The following SHQ1 variants were observed in gnomAD, a reference collection of about 807,000 sequenced individuals.
SHQ1 encodes the protein SHQ1, H/ACA ribonucleoprotein assembly factor.
SHQ1 carries 49 observed loss-of-function variants against 53.8 expected under a neutral mutation model. That is an observed-to-expected ratio of 0.91 (90% CI 0.72 to 1.16). The LOEUF (loss-of-function observed/expected upper bound fraction) is 1.16, where lower values mean the gene tolerates loss of function less well. Among genes scored for constraint, SHQ1 ranks in the 50% most tolerant of loss-of-function variants. The probability of loss-of-function intolerance (pLI) is 0.00; values close to 1 mark genes in which losing one functional copy is unlikely to be tolerated. For synonymous variants in SHQ1, 243 were observed against 251.0 expected (o/e 0.97, Z 0.30); for missense variants, 738 against 683.1 (o/e 1.08, Z -0.90).
chr3:72,815,931 AT>A (rs941858760), intron 7 of SHQ1, among the ~76,000 whole-genome samples: 1 of 152,166 alleles, frequency 6.6e-6, no homozygotes, highest in African/African-American at 2.4e-5. Flanking sequence ...AAAATGGTAA[AT>A]TTTTTCAAAT....
intron 3 of SHQ1, among the ~76,000 whole-genome samples, chr3:72,841,935 G>A (rs115331053): frequency 4.9e-4 from 74 of 152,264 alleles, no homozygotes; most frequent in African/African-American, 1.6e-3. Flanking sequence ...GGTTCCTAAC[G>A]GGCCATGGAT....
At chr3:72,735,111 TA>T in the SHQ1 span, among the ~76,000 whole-genome samples, 3 of 151,822 alleles carry the variant, frequency 2.0e-5, no homozygotes, top group African/African-American at 7.3e-5. Flanking sequence ...GTTTTTCTTA[TA>T]CACTAAAAGT....
rs547355336 is a variant in SHQ1 at position 72,840,448 on chromosome 3, C to A, written c.486+597G>T. ...GTAGGCACCTGTAATCCCAGCTACT[C>A]AGGAGGCTGAGGCAGAAGAATTGCT... On this transcript the variant is annotated intron_variant, in intron 4 of 10. Coordinates refer to ENST00000325599, the MANE Select transcript of SHQ1 (RefSeq NM_018130.3). Among the ~76,000 whole-genome samples the A allele has an allele frequency of 7.3e-5, 11 of 150,884 alleles. No individual in the cohort carries two copies. In the South Asian group the frequency reaches 1.7e-3, roughly 23 times the overall value.
chr3:72,753,685 C>T, intron 10 of SHQ1: 1 of 963,730 alleles, frequency 1.0e-6, no homozygotes, highest in African/African-American at 1.8e-5. Flanking sequence ...AAGAGGAAAA[C>T]CAAGGTGAGA....
chr3:72,823,009 C>T (rs1319447696), intron 6 of SHQ1, among the ~76,000 whole-genome samples: 1 of 151,944 alleles, frequency 6.6e-6, no homozygotes, highest in Non-Finnish European at 1.5e-5. Context: ...ATTAGCCAGG[C>T]GCGGTGGCCG....
chr3:72,772,501 C>A, intron 10 of SHQ1: 1 of 569,548 alleles, frequency 1.8e-6, no homozygotes, highest in Non-Finnish European at 3.3e-6. Flanking sequence ...GCATCTGGAC[C>A]CTCAGACAGT....
the SHQ1 span, among the ~76,000 whole-genome samples, chr3:72,729,277 G>A: frequency 3.3e-5 from 5 of 152,278 alleles, no homozygotes; most frequent in African/African-American, 9.6e-5. Flanking sequence ...TGATTTCAAC[G>A]TGAGTCACAG....
At chr3:72,773,774 A>G (rs1210076985) in intron 10 of SHQ1, among the ~76,000 whole-genome samples, 2 of 152,238 alleles carry the variant, frequency 1.3e-5, no homozygotes, top group African/African-American at 4.8e-5. Context: ...AAAGACAGAA[A>G]CACATGACTT....
chr3:72,834,461 T>C (rs916099236), intron 4 of SHQ1, among the ~76,000 whole-genome samples: 1 of 152,016 alleles, frequency 6.6e-6, no homozygotes, highest in African/African-American at 2.4e-5. Context: ...ACCCAGAAGG[T>C]GGAGGTTGCA....
At chr3:72,728,260 A>C in the SHQ1 span, among the ~76,000 whole-genome samples, 5 of 152,188 alleles carry the variant, frequency 3.3e-5, no homozygotes, top group African/African-American at 4.8e-5. Flanking sequence ...TATTAAGAGG[A>C]ACCCCTCTGG....
chr3:72,836,944 A>C (rs760655476), intron 4 of SHQ1, among the ~76,000 whole-genome samples: 9 of 152,222 alleles, frequency 5.9e-5, no homozygotes, highest in Non-Finnish European at 1.2e-4. Flanking sequence ...AAAATAAAGA[A>C]CAATGAACAC....
chr3:72,846,449 T>C (rs1443352295), intron 1 of SHQ1: 7 of 703,256 alleles, frequency 1.0e-5, no homozygotes, highest in Admixed American at 5.9e-5. Flanking sequence ...GCGCGTGCCA[T>C]CAAGCCCAGA....
At chr3:72,833,500 A>G (rs1171892285) in intron 4 of SHQ1, among the ~76,000 whole-genome samples, 30 of 24,606 alleles carry the variant, frequency 1.2e-3, no homozygotes, top group Admixed American at 5.1e-3. Flanking sequence ...ATAGATAGAT[A>G]GACAGACAGA....
chr3:72,846,480 T>G, intron 1 of SHQ1: 1 of 600,020 alleles, frequency 1.7e-6, no homozygotes, highest in South Asian at 2.1e-5. Flanking sequence ...GTATTTTTAG[T>G]ACAGATGGGG....
the SHQ1 span, among the ~76,000 whole-genome samples, chr3:72,735,841 C>A: frequency 2.0e-5 from 3 of 150,028 alleles, no homozygotes; most frequent in East Asian, 5.9e-4. Flanking sequence ...GTGGAAGGAG[C>A]TTTAGGGGTG....
At chr3:72,848,110 G>A (rs142274609) in intron 1 of SHQ1, 88 bp downstream of exon 1, 15,688 of 1,516,322 alleles carry the variant, frequency 0.01, 112 homozygotes, top group Non-Finnish European at 0.013. Flanking sequence ...TCGCGCAATC[G>A]AGCACTGCTC....
chr3:72,825,146 C>G (rs1039676556), intron 5 of SHQ1, among the ~76,000 whole-genome samples: 4 of 151,938 alleles, frequency 2.6e-5, no homozygotes, highest in African/African-American at 9.7e-5. Flanking sequence ...CTGGTCCTAC[C>G]CTGAAGTCCC....
chr3:72,776,239 C>T (rs544882225), intron 10 of SHQ1, among the ~76,000 whole-genome samples: 4 of 152,282 alleles, frequency 2.6e-5, no homozygotes, highest in East Asian at 1.9e-4. Context: ...CACATAACAA[C>T]GTTGTGGTCA....
intron 9 of SHQ1, chr3:72,794,491 C>T (rs566920625): frequency 2.0e-5 from 3 of 152,354 alleles, no homozygotes; most frequent in African/African-American, 7.2e-5. Context: ...TACGGTCTCA[C>T]CCGTCAAATC....
Sources: allele counts gnomAD v4.1 joint callset (sites outside exome capture counted in the v4.1 genomes callset), GRCh38; gene constraint gnomAD v4.1.1; transcripts MANE v1.5; gene names NCBI Gene and HGNC (gene_info 2026-07-23, HGNC 2026-07-21).